BMAL1: variants seen among roughly 807,000 people sequenced by gnomAD.
The protein encoded by BMAL1 is basic helix-loop-helix ARNT like 1.
At chr11:13,302,862 G>C in the BMAL1 span, among the ~76,000 whole-genome samples, 1 of 152,158 alleles carries the variant, frequency 6.6e-6, no homozygotes, top group East Asian at 1.9e-4. Flanking sequence ...CTATGTGTTT[G>C]TCTTGATTTC....
chr11:13,352,760 C>T, the BMAL1 span, among the ~76,000 whole-genome samples: 8 of 152,216 alleles, frequency 5.3e-5, no homozygotes, highest in Admixed American at 5.2e-4. Context: ...ACTTATCTGT[C>T]GGCCTAACAG....
At chr11:13,358,613 TC>T in the BMAL1 span, 6 of 1,543,104 alleles carry the variant, frequency 3.9e-6, no homozygotes, top group Non-Finnish European at 5.2e-6. Flanking sequence ...GGCTCTATTG[TC>T]CTTTATGTCC....
the BMAL1 span, among the ~76,000 whole-genome samples, chr11:13,303,037 C>T: frequency 1.3e-5 from 2 of 152,138 alleles, no homozygotes; most frequent in Non-Finnish European, 2.9e-5. Context: ...TTATCAGGCA[C>T]TAAGCTAAGG....
the BMAL1 span, among the ~76,000 whole-genome samples, chr11:13,278,827 C>G: frequency 6.6e-6 from 1 of 152,254 alleles, no homozygotes; most frequent in Non-Finnish European, 1.5e-5. Context: ...AAGGTTCCCG[C>G]TCGGCTATTG....
chr11:13,356,329 C>T, the BMAL1 span: 6 of 468,796 alleles, frequency 1.3e-5, no homozygotes, highest in South Asian at 7.7e-5. Context: ...ATCTTTGATG[C>T]TCAATATGTT....
the BMAL1 span, among the ~76,000 whole-genome samples, chr11:13,279,812 A>C: frequency 1.3e-5 from 2 of 152,202 alleles, no homozygotes; most frequent in African/African-American, 2.4e-5. Context: ...TTTGGTTTTG[A>C]TTGTAGATGC....
the BMAL1 span, among the ~76,000 whole-genome samples, chr11:13,290,582 A>G: frequency 1.3e-5 from 2 of 150,982 alleles, no homozygotes. Context: ...TATTATTATT[A>G]TTATTATTAT....
chr11:13,357,001 G>C, the BMAL1 span: 2 of 1,612,764 alleles, frequency 1.2e-6, no homozygotes. The surrounding 1 kb of genome is among the most constrained non-coding windows in gnomAD (Gnocchi z 4.8). Context: ...GTGTAACTTT[G>C]CCATTCATCT....
the BMAL1 span, among the ~76,000 whole-genome samples, chr11:13,348,223 C>A: frequency 1.3e-5 from 2 of 152,190 alleles, no homozygotes. Context: ...GTGGGCCCAG[C>A]AGAGGCAGGG....
the BMAL1 span, chr11:13,381,244 G>A: frequency 6.2e-7 from 1 of 1,614,042 alleles, no homozygotes; most frequent in Non-Finnish European, 8.5e-7. Flanking sequence ...TCTTCTCCAG[G>A]AGGCAAGAAG....
chr11:13,384,241 G>C, the BMAL1 span, among the ~76,000 whole-genome samples: 2 of 152,100 alleles, frequency 1.3e-5, no homozygotes. Flanking sequence ...CTGCTACTTT[G>C]ACCTTGAGAT....
the BMAL1 span, chr11:13,366,863 T>C: frequency 1.9e-6 from 2 of 1,071,316 alleles, no homozygotes; most frequent in Non-Finnish European, 2.8e-6. Context: ...GGCGGGTGTG[T>C]GTGATGGGCT....
the BMAL1 span, among the ~76,000 whole-genome samples, chr11:13,331,505 C>T: frequency 1.1e-4 from 16 of 152,262 alleles, no homozygotes; most frequent in East Asian, 2.5e-3. Flanking sequence ...CATAGGAATA[C>T]GAAAGGGAGC....
At chr11:13,359,830 A>G in the BMAL1 span, among the ~76,000 whole-genome samples, 2 of 152,166 alleles carry the variant, frequency 1.3e-5, no homozygotes, top group African/African-American at 4.8e-5. Context: ...ATTCCTCCAC[A>G]TTGCCACGCT....
the BMAL1 span, among the ~76,000 whole-genome samples, chr11:13,382,829 C>T: frequency 6.6e-6 from 1 of 152,154 alleles, no homozygotes; most frequent in Non-Finnish European, 1.5e-5. Context: ...ATAAGTATGG[C>T]CCCCAGGCTA....
At chr11:13,280,327 C>T in the BMAL1 span, among the ~76,000 whole-genome samples, 1 of 152,228 alleles carries the variant, frequency 6.6e-6, no homozygotes, top group Non-Finnish European at 1.5e-5. Flanking sequence ...TCAGATTTAT[C>T]CCTTCACACC....
At chr11:13,312,862 T>C in the BMAL1 span, among the ~76,000 whole-genome samples, 2 of 152,180 alleles carry the variant, frequency 1.3e-5, no homozygotes, top group African/African-American at 4.8e-5. Flanking sequence ...ATCATGGTTA[T>C]AGAGGTGAAA....
At chr11:13,318,119 G>A in the BMAL1 span, among the ~76,000 whole-genome samples, 2 of 152,214 alleles carry the variant, frequency 1.3e-5, no homozygotes, top group Non-Finnish European at 2.9e-5. Flanking sequence ...GGCTGGCCCA[G>A]CCTCACTGTA....
chr11:13,311,818 G>A, the BMAL1 span, among the ~76,000 whole-genome samples: 1 of 152,160 alleles, frequency 6.6e-6, no homozygotes, highest in African/African-American at 2.4e-5. Context: ...AATCCAGCCC[G>A]TGTTTGGACC....
Sources: gnomAD v4.1 joint callset for allele counts (sites outside exome capture counted in the v4.1 genomes callset) on GRCh38, gnomAD v4.1.1 for gene constraint, Gnocchi (gnomAD v3.1) non-coding constraint, MANE v1.5 for transcripts, NCBI Gene and HGNC (gene_info 2026-07-23, HGNC 2026-07-21) for gene names.